Variants in SOX6 observed in about 807,000 individuals in gnomAD.
The protein encoded by SOX6 is SRY-box transcription factor 6.
A neutral mutation model predicts 97.8 loss-of-function variants in SOX6; 11 were observed. That is an observed-to-expected ratio of 0.11 (90% CI 0.07 to 0.19). The LOEUF (loss-of-function observed/expected upper bound fraction) is 0.19, where lower values mean the gene tolerates loss of function less well. SOX6 is among the 10% of genes least tolerant of loss of function. SOX6 has a pLI of 1.00. For missense variants in SOX6, 810 were observed against 1,039.5 expected (o/e 0.78, Z 3.04); for synonymous variants, 360 against 371.4 (o/e 0.97, Z 0.35).
intron 6 of SOX6, among the ~76,000 whole-genome samples, chr11:16,166,161 A>AT (rs200490004): frequency 2.1e-4 from 32 of 151,294 alleles, no homozygotes; most frequent in Non-Finnish European, 3.4e-4. Context: ...AATTTAAGTG[A>AT]TTTTTTTTTA....
intron 6 of SOX6, among the ~76,000 whole-genome samples, chr11:16,177,622 T>TCTCTCTCTCC (rs1554940445): frequency 3.1e-3 from 2 of 636 alleles, no homozygotes; most frequent in South Asian, 0.17. Context: ...AATAAGATGA[T>TCTCTCTCTCC]CTCTCTCTCT....
intron 3 of SOX6, among the ~76,000 whole-genome samples, chr11:16,651,820 G>A (rs1319739538): frequency 2.0e-5 from 3 of 152,144 alleles, no homozygotes; most frequent in African/African-American, 4.8e-5. Flanking sequence ...AATTGGTAAA[G>A]AGGAAGTCAC....
intron 9 of SOX6, 67 bp from the exon 10 acceptor site, chr11:16,055,968 A>C (rs1847806028): frequency 6.4e-7 from 1 of 1,552,134 alleles, no homozygotes; most frequent in African/African-American, 1.4e-5. Flanking sequence ...CAAAAGAAAA[A>C]ACTTACCATA....
At chr11:16,584,385 A>G (rs1055564024) in intron 4 of SOX6, among the ~76,000 whole-genome samples, 1 of 152,132 alleles carries the variant, frequency 6.6e-6, no homozygotes, top group Non-Finnish European at 1.5e-5. Flanking sequence ...TGTAACAACT[A>G]CCAAACCACT....
At chr11:16,486,552 G>C (rs1393442512) in intron 4 of SOX6, among the ~76,000 whole-genome samples, 2 of 152,018 alleles carry the variant, frequency 1.3e-5, no homozygotes, top group Admixed American at 6.5e-5. Context: ...GAAATGCCTA[G>C]AGTGCTTATT....
At chr11:16,701,876 A>C (rs1848097278) in intron 3 of SOX6, among the ~76,000 whole-genome samples, 1 of 151,856 alleles carries the variant, frequency 6.6e-6, no homozygotes, top group Admixed American at 6.6e-5. Context: ...CCTGGGCGAC[A>C]GAGCAAGACT....
intron 4 of SOX6, among the ~76,000 whole-genome samples, chr11:16,545,808 C>T (rs1402356176): frequency 6.6e-6 from 1 of 151,962 alleles, no homozygotes; most frequent in Admixed American, 6.6e-5. Flanking sequence ...AAAGATTAGC[C>T]AAGTGTGATG....
chr11:16,289,779 C>T (rs1854856378), intron 3 of SOX6, among the ~76,000 whole-genome samples: 1 of 151,708 alleles, frequency 6.6e-6, no homozygotes, highest in East Asian at 1.9e-4. Flanking sequence ...GTTGATTGGC[C>T]CAGAGTAAAA....
chr11:16,737,554 A>G (rs1341697458), intron 1 of SOX6, among the ~76,000 whole-genome samples: 2 of 152,204 alleles, frequency 1.3e-5, no homozygotes, highest in African/African-American at 4.8e-5. Flanking sequence ...TCAAGGTGAG[A>G]AAGCTTCAGA....
intron 1 of SOX6, among the ~76,000 whole-genome samples, chr11:16,404,698 A>G (rs1372548482): frequency 1.3e-5 from 2 of 151,980 alleles, no homozygotes; most frequent in Non-Finnish European, 2.9e-5. Context: ...GGTTTAAAAG[A>G]CACACCCCAA....
intron 1 of SOX6, among the ~76,000 whole-genome samples, chr11:16,438,929 A>G (rs1432933702): frequency 1.3e-5 from 2 of 152,184 alleles, no homozygotes; most frequent in African/African-American, 4.8e-5. Context: ...GACAAGAAGT[A>G]CAGGAGAGCA....
chr11:16,582,380 A>G (rs548666018), intron 4 of SOX6, among the ~76,000 whole-genome samples: 31 of 152,300 alleles, frequency 2.0e-4, no homozygotes, highest in African/African-American at 7.2e-4. Flanking sequence ...TCAGCAAAAC[A>G]CTTGACAAAT....
At chr11:16,631,952 A>G (rs1848712902) in intron 3 of SOX6, among the ~76,000 whole-genome samples, 1 of 152,172 alleles carries the variant, frequency 6.6e-6, no homozygotes. Flanking sequence ...TTTTTTAAAG[A>G]CACTTATCTC....
intron 3 of SOX6, among the ~76,000 whole-genome samples, chr11:16,639,802 A>G (rs542207401): frequency 6.6e-6 from 1 of 152,024 alleles, no homozygotes; most frequent in African/African-American, 2.4e-5. Context: ...GCTTAAGGAG[A>G]TTTTGGGCTG....
chr11:16,584,516 CCCACTGCTACAGCTACTGTCCTTTTT>C (rs1848070956), intron 4 of SOX6, among the ~76,000 whole-genome samples: 2 of 152,128 alleles, frequency 1.3e-5, no homozygotes, highest in South Asian at 4.1e-4. Flanking sequence ...CATAGATGCC[CCCACTGCTACAGCTACTGTCCTTTTT>C]CCACTGCTGC....
intron 3 of SOX6, among the ~76,000 whole-genome samples, chr11:16,242,985 G>T (rs1016387929): frequency 6.6e-6 from 1 of 151,714 alleles, no homozygotes; most frequent in Non-Finnish European, 1.5e-5. Flanking sequence ...GTACATACCT[G>T]TGCTTTTTCA....
At chr11:16,521,233 G>A (rs1218455540) in intron 4 of SOX6, among the ~76,000 whole-genome samples, 1 of 152,198 alleles carries the variant, frequency 6.6e-6, no homozygotes, top group Non-Finnish European at 1.5e-5. Flanking sequence ...GGCACCCCCA[G>A]TAGGGGCAGA....
intron 4 of SOX6, among the ~76,000 whole-genome samples, chr11:16,212,880 T>C (rs1272912304): frequency 1.3e-5 from 2 of 152,234 alleles, no homozygotes; most frequent in Non-Finnish European, 2.9e-5. Flanking sequence ...GTCTATCACA[T>C]GGATTTTGGT....
chr11:16,515,354 A>G (rs1264073519), intron 4 of SOX6, among the ~76,000 whole-genome samples: 4 of 149,436 alleles, frequency 2.7e-5, no homozygotes, highest in African/African-American at 9.8e-5. Context: ...TCTTTTGAGA[A>G]GTGTCTGTTC....
Sources: gnomAD v4.1 joint callset for allele counts (sites outside exome capture counted in the v4.1 genomes callset) on GRCh38, gnomAD v4.1.1 for gene constraint, MANE v1.5 for transcripts, NCBI Gene and HGNC (gene_info 2026-07-23, HGNC 2026-07-21) for gene names.